GALNT17: variants seen among roughly 807,000 people sequenced by gnomAD.
GALNT17 encodes the protein UDP-GalNAc:polypeptide N-acetylgalactosaminyltransferase-like 3.
A neutral mutation model predicts 63.7 loss-of-function variants in GALNT17; 29 were observed. That is an observed-to-expected ratio of 0.46 (90% CI 0.34 to 0.62). The LOEUF is 0.62. Ranked by LOEUF, GALNT17 falls within the 20% of genes least tolerant of loss-of-function variation. GALNT17 has a pLI of 0.01. For synonymous variants in GALNT17, 305 were observed against 318.3 expected (o/e 0.96, Z 0.45); for missense variants, 603 against 799.6 (o/e 0.75, Z 2.97).
At chr7:71,692,513 G>A (rs1791469793) in intron 9 of GALNT17, among the ~76,000 whole-genome samples, 1 of 151,992 alleles carries the variant, frequency 6.6e-6, no homozygotes, top group African/African-American at 2.4e-5. Flanking sequence ...GCTCAGCAGA[G>A]CGATGCAGAA....
At position 71,369,060 on chromosome 7, in the gene GALNT17, A is replaced by G. The variant is rs149124950; in HGVS notation, c.423-19175A>G. ...TGGCATTTTCAGCCAGGAATGAGAT[A>G]TCCTGGGAGGGGAATCAGTATTTCT... is the stretch of plus-strand genomic sequence containing the variant. On this transcript the variant is annotated intron_variant, in intron 2 of 10. Transcript: ENST00000333538. 7.9e-4 allele frequency among the ~76,000 whole-genome samples: 121 copies of G among 152,338 alleles called. 1 individual carries two copies. Among genetic ancestry groups the G allele is most frequent in the Admixed American group, 2.6e-3 (40 of 15,302 alleles).
intron 1 of GALNT17, among the ~76,000 whole-genome samples, chr7:71,209,303 G>A (rs1183060940): frequency 6.6e-6 from 1 of 152,158 alleles, no homozygotes; most frequent in Non-Finnish European, 1.5e-5. Context: ...TTGTAGAGCT[G>A]TGATTTACTT....
At chr7:71,682,337 C>CATCTGTCTACCCT (rs1791280665) in intron 9 of GALNT17, among the ~76,000 whole-genome samples, 1 of 151,852 alleles carries the variant, frequency 6.6e-6, no homozygotes, top group Non-Finnish European at 1.5e-5. Context: ...CCACCCTCCC[C>CATCTGTCTACCCT]AGCATCTTTA....
intron 5 of GALNT17, among the ~76,000 whole-genome samples, chr7:71,499,428 T>C (rs753260683): frequency 3.5e-4 from 54 of 152,310 alleles, no homozygotes; most frequent in Non-Finnish European, 6.6e-4. Context: ...ACATTTCTAA[T>C]CTCAGATGAT....
At chr7:71,579,153 C>T (rs1789586988) in intron 6 of GALNT17, among the ~76,000 whole-genome samples, 3 of 152,212 alleles carry the variant, frequency 2.0e-5, no homozygotes, top group Admixed American at 2.0e-4. Flanking sequence ...TATGTGAATA[C>T]CTTTGTAGGG....
chr7:71,246,915 G>A (rs1562945121), intron 1 of GALNT17, among the ~76,000 whole-genome samples: 1 of 147,078 alleles, frequency 6.8e-6, no homozygotes, highest in Non-Finnish European at 1.5e-5. Context: ...TAAGCATAAT[G>A]TAAATACTTG....
In GALNT17 at chr7:71,330,940, C is replaced by G. The variant is rs545158450; in HGVS notation, c.239-4610C>G. ...TCCTGGGCTCTCCTCTCTGCACCCT[C>G]TGCCACGGCTCTAGCCTGCTTGTCC... On this transcript the variant is annotated intron_variant, in intron 1 of 10. Transcript: ENST00000333538. Among the ~76,000 whole-genome samples, 28 of 152,304 alleles carry G rather than the reference C, an allele frequency of 1.8e-4. 1 individual carries two copies. Among genetic ancestry groups the G allele is most frequent in the African/African-American group, 6.5e-4 (27 of 41,562 alleles).
intron 1 of GALNT17, among the ~76,000 whole-genome samples, chr7:71,261,814 C>T (rs1292876543): frequency 1.3e-5 from 2 of 152,216 alleles, no homozygotes; most frequent in Non-Finnish European, 1.5e-5. Flanking sequence ...TTCATTTATT[C>T]CTCTTAGGAA....
At chr7:71,413,099 A>G (rs1316423091) in intron 3 of GALNT17, among the ~76,000 whole-genome samples, 1 of 152,204 alleles carries the variant, frequency 6.6e-6, no homozygotes, top group Admixed American at 6.5e-5. Context: ...AGTTTCCTAG[A>G]CTGAAACTTT....
intron 1 of GALNT17, among the ~76,000 whole-genome samples, chr7:71,180,314 C>G (rs944181380): frequency 6.6e-6 from 1 of 151,912 alleles, no homozygotes; most frequent in Admixed American, 6.6e-5. Context: ...TTAGTAGAGA[C>G]GGGGTTTCAC....
At chr7:71,677,328 G>C in intron 9 of GALNT17, 22 bp downstream of exon 9, 3 of 1,608,518 alleles carry the variant, frequency 1.9e-6, no homozygotes, top group Non-Finnish European at 2.5e-6. Context: ...TCTCTGACCA[G>C]GAAGGAAGTA....
chr7:71,332,719 T>A (rs1403819584), intron 1 of GALNT17, among the ~76,000 whole-genome samples: 1 of 152,006 alleles, frequency 6.6e-6, no homozygotes, highest in Non-Finnish European at 1.5e-5. Flanking sequence ...TGAGATGAGG[T>A]CTTGCTTTGT....
At chr7:71,449,971 C>T (rs932742239) in intron 5 of GALNT17, among the ~76,000 whole-genome samples, 2 of 150,130 alleles carry the variant, frequency 1.3e-5, no homozygotes, top group East Asian at 2.0e-4. Context: ...GAACCCGGGA[C>T]GCAGAAGTTG....
chr7:71,339,998 A>G (rs762104190), intron 2 of GALNT17, among the ~76,000 whole-genome samples: 22 of 152,226 alleles, frequency 1.4e-4, no homozygotes, highest in Non-Finnish European at 3.1e-4. Context: ...AGATGGAAAG[A>G]GGATGGTAAT....
intron 2 of GALNT17, among the ~76,000 whole-genome samples, chr7:71,365,889 A>G (rs1053151483): frequency 6.6e-6 from 1 of 152,088 alleles, no homozygotes; most frequent in East Asian, 1.9e-4. Flanking sequence ...ACATTGTAAT[A>G]TATAATAAAA....
intron 5 of GALNT17, among the ~76,000 whole-genome samples, chr7:71,433,018 C>T (rs1041452867): frequency 3.3e-5 from 5 of 152,126 alleles, no homozygotes; most frequent in Non-Finnish European, 7.4e-5. Flanking sequence ...ACCATGTTGG[C>T]CAGGCTGGTC....
chr7:71,447,986 C>T (rs969027485), intron 5 of GALNT17, among the ~76,000 whole-genome samples: 3 of 152,132 alleles, frequency 2.0e-5, no homozygotes, highest in Non-Finnish European at 2.9e-5. Context: ...GATCTCATGC[C>T]TTTATCTTTT....
At chr7:71,288,658 G>A (rs994160400) in intron 1 of GALNT17, among the ~76,000 whole-genome samples, 6 of 152,092 alleles carry the variant, frequency 3.9e-5, no homozygotes, top group Non-Finnish European at 8.8e-5. Context: ...GTGACCTTGC[G>A]TTTAGCTGGG....
intron 1 of GALNT17, among the ~76,000 whole-genome samples, chr7:71,218,875 T>C (rs1405819394): frequency 6.6e-6 from 1 of 151,786 alleles, no homozygotes; most frequent in Non-Finnish European, 1.5e-5. Flanking sequence ...GAAAACAAGC[T>C]CAGGGGTCCC....
Sources: allele counts gnomAD v4.1 joint callset (sites outside exome capture counted in the v4.1 genomes callset), GRCh38; gene constraint gnomAD v4.1.1; transcripts MANE v1.5; gene names NCBI Gene and HGNC (gene_info 2026-07-23, HGNC 2026-07-21).